DAPK1: variants seen among roughly 807,000 people sequenced by gnomAD.
DAPK1 encodes the protein death associated protein kinase 1, also known as death-associated protein kinase 1.
In DAPK1, 56 loss-of-function variants were observed where a neutral mutation model predicts 144.9. The ratio of observed to expected loss-of-function variants is 0.39; its 90% CI spans 0.31 to 0.48. The LOEUF is 0.48. DAPK1 is among the 20% of genes least tolerant of loss of function. The pLI is 0.95. For synonymous variants in DAPK1, 690 were observed against 749.0 expected (o/e 0.92, Z 1.29); for missense variants, 1,454 against 1,875.4 (o/e 0.78, Z 4.15).
intron 21 of DAPK1, among the ~76,000 whole-genome samples, chr9:87,692,096 A>ATTG (rs60881803): frequency 0.066 from 10,101 of 152,118 alleles, 854 homozygotes; most frequent in African/African-American, 0.19. Flanking sequence ...TTCCCCAAAT[A>ATTG]TTGTTGTATT....
At chr9:87,653,229 A>AT (rs1830518373) in intron 17 of DAPK1, among the ~76,000 whole-genome samples, 3 of 149,862 alleles carry the variant, frequency 2.0e-5, no homozygotes, top group Admixed American at 2.0e-4. Context: ...CTGTCACCTG[A>AT]ACCCGGGTCC....
chr9:87,696,909 A>G, intron 21 of DAPK1, 98 bp from the exon 22 acceptor site: 1 of 766,448 alleles, frequency 1.3e-6, no homozygotes, highest in South Asian at 1.4e-5. Context: ...CATAAGTATC[A>G]CTATGCCTAC....
intron 2 of DAPK1, among the ~76,000 whole-genome samples, chr9:87,508,473 G>A (rs1824700143): frequency 6.6e-6 from 1 of 151,876 alleles, no homozygotes; most frequent in South Asian, 2.1e-4. Context: ...CTCCCGAGTA[G>A]CTGGGACTAC....
Position 87,571,498 on chromosome 9 carries a change from A to AACACACAC in DAPK1, c.63-33433_63-33426dup, listed in dbSNP as rs768913480. Among the ~76,000 whole-genome samples, 59 of 46,490 alleles carry AACACACAC rather than the reference A, an allele frequency of 1.3e-3. 9 individuals carry two copies. The highest frequency in any genetic ancestry group is 2.5e-3 in the South Asian group (2 of 794). 30.5% of individuals were successfully genotyped at this position (46,490 alleles called of 152,430 possible). On this transcript the variant is annotated intron_variant, in intron 2 of 25. Transcript: ENST00000408954. Reference sequence around the variant, plus strand: ...ACCAACACACACACACACACACCCCAACACACACACACACACACACACACA... The same window carrying AACACACAC: ...ACCAACACACACACACACACACCCCAACACACACACACACACACACACACACACACACA...
rs576507276 is a variant in DAPK1 at position 87,639,428 on chromosome 9, T to C, written c.498T>C (p.His166=). The change falls in exon 5 of 26, where the codon CAT becomes CAC. Residue 166 remains histidine (H), a synonymous_variant. Transcript: ENST00000408954. ...RIKIIDFGLA[H]KIDFGNEFKN... The stretch of plus-strand genomic sequence containing the variant: ...AGATCATTGACTTTGGGTTGGCCCA[T>C]AAAATTGACTTTGGAAATGAATTTA... 7.4e-6 allele frequency: 12 copies of C among 1,613,730 alleles called. No homozygotes were observed. The Admixed American group carries it at 1.0e-4, about 13-fold the overall frequency.
chr9:87,656,827 TA>T (rs1830645620), intron 17 of DAPK1, among the ~76,000 whole-genome samples: 1 of 152,202 alleles, frequency 6.6e-6, no homozygotes, highest in Admixed American at 6.5e-5. Flanking sequence ...CTCGGCTGTT[TA>T]AATTATTTCT....
At chr9:87,586,152 A>G (rs574056397) in intron 2 of DAPK1, among the ~76,000 whole-genome samples, 2 of 152,182 alleles carry the variant, frequency 1.3e-5, no homozygotes, top group Admixed American at 6.5e-5. Context: ...GCCAGATATG[A>G]TGGCGTGTAC....
intron 2 of DAPK1, among the ~76,000 whole-genome samples, chr9:87,595,128 C>T (rs1828268631): frequency 6.6e-6 from 1 of 152,212 alleles, no homozygotes; most frequent in South Asian, 2.1e-4. Flanking sequence ...CAAAGCACAC[C>T]TTCCCAAGAA....
intron 2 of DAPK1, among the ~76,000 whole-genome samples, chr9:87,568,087 G>T (rs993801692): frequency 1.3e-5 from 2 of 152,216 alleles, no homozygotes; most frequent in Non-Finnish European, 2.9e-5. Context: ...AGTTACTGAT[G>T]AAAGAAGAGT....
intron 3 of DAPK1, among the ~76,000 whole-genome samples, chr9:87,621,684 A>G (rs1029420380): frequency 2.6e-5 from 4 of 152,122 alleles, no homozygotes; most frequent in African/African-American, 7.2e-5. Flanking sequence ...TTTGAAATCA[A>G]TTGCATTCCT....
intron 2 of DAPK1, among the ~76,000 whole-genome samples, chr9:87,560,418 A>G (rs1308975253): frequency 1.3e-5 from 2 of 152,162 alleles, no homozygotes; most frequent in East Asian, 1.9e-4. Flanking sequence ...GCTATATCAC[A>G]TTGTTGCGTG....
intron 3 of DAPK1, among the ~76,000 whole-genome samples, chr9:87,624,021 G>T (rs1366099356): frequency 6.6e-6 from 1 of 152,156 alleles, no homozygotes; most frequent in African/African-American, 2.4e-5. Flanking sequence ...AAGGAGGCAG[G>T]GTTCTGAGAT....
intron 2 of DAPK1, among the ~76,000 whole-genome samples, chr9:87,599,442 A>T (rs1413876782): frequency 2.0e-5 from 3 of 152,220 alleles, no homozygotes; most frequent in Non-Finnish European, 4.4e-5. Flanking sequence ...ATTAGATGTC[A>T]GCCTGTTCTT....
Position 87,639,340 on chromosome 9 carries a change from C to T in DAPK1, c.424-14C>T, listed in dbSNP as rs199760516. On this transcript the variant is annotated splice_polypyrimidine_tract_variant and intron_variant, in intron 4 of 25. Coordinates refer to ENST00000408954, the MANE Select transcript of DAPK1 (RefSeq NM_004938.4). ...ATATCATAGCTTTTTATTTATCTCT[C>T]TCTTTTTTTCAAGCCTGAGAACATA... 1,299 of 1,582,992 alleles carry T rather than the reference C, an allele frequency of 8.2e-4. 5 individuals carry two copies. The highest frequency in any genetic ancestry group is 1.1e-3 in the Non-Finnish European group (1,237 of 1,169,758).
In DAPK1 at chr9:87,498,980, T is replaced by C; in HGVS notation, c.-98T>C. 1 of 899,926 alleles carries C rather than the reference T, an allele frequency of 1.1e-6. No individual in the cohort carries two copies. Among genetic ancestry groups the C allele is most frequent in the Non-Finnish European group, 1.9e-6 (1 of 539,452 alleles). The allele number at this position is 899,926 out of a possible 1,614,324, so 55.7% of individuals were successfully genotyped here. A position where few individuals can be genotyped will look rare whatever the true frequency, so the allele number is the denominator to read the frequency against. On this transcript the variant is annotated 5_prime_UTR_variant, in exon 2 of 26. Transcript: ENST00000408954. ...TTTTTTCTTCAAAAGGACTGGAGAC[T>C]GATGCATGAGGGGGCTACGGAGGCG...
chr9:87,703,124 G>C lies in DAPK1; in HGVS notation c.2967G>C (p.Gln989His), dbSNP rs370380903. The change falls in exon 25 of 26, where the codon CAG becomes CAC. Residue 989 changes from glutamine (Q) to histidine (H), a missense_variant. This residue lies in a region of DAPK1 where 1,025 missense variants were observed against 1,237.9 expected (regional missense o/e 0.83). Transcript: ENST00000408954. The stretch of plus-strand genomic sequence containing the variant: ...GACCCAACCAGCTGATGTCGCTGCA[G>C]CAGTTTGTGTACGACGTGCAGGACC... ...LNGPNQLMSL[Q>H]QFVYDVQDQL... is the part of the protein sequence containing the mutation. 1 of 1,606,830 alleles carries C rather than the reference G, an allele frequency of 6.2e-7. No homozygotes were observed. The highest frequency in any genetic ancestry group is 8.5e-7 in the Non-Finnish European group (1 of 1,173,294).
At chr9:87,705,718 A>G (rs1825612655) in intron 25 of DAPK1, among the ~76,000 whole-genome samples, 1 of 152,342 alleles carries the variant, frequency 6.6e-6, no homozygotes, top group Non-Finnish European at 1.5e-5. Context: ...TAACATTAAT[A>G]TAGTACTATG....
chr9:87,675,890 CA>C lies in DAPK1; in HGVS notation c.2002-5513del, dbSNP rs1226045701. On this transcript the variant is annotated intron_variant, in intron 19 of 25. Coordinates refer to ENST00000408954, the MANE Select transcript of DAPK1 (RefSeq NM_004938.4). ...ACACACACACACACACACACACACA[CA>C]CACACCCTTATGACCACCTGGAAGG... Among the ~76,000 whole-genome samples, 360 of 151,382 alleles carry C rather than the reference CA, an allele frequency of 2.4e-3. 2 individuals are homozygous for C. Among genetic ancestry groups the C allele is most frequent in the Middle Eastern group, 6.8e-3 (2 of 294 alleles).
At chr9:87,647,484 A>C in intron 14 of DAPK1, 81 bp downstream of exon 14, 1 of 1,166,164 alleles carries the variant, frequency 8.6e-7, no homozygotes, top group Non-Finnish European at 1.3e-6. Flanking sequence ...TACCGTGTGC[A>C]TCGGGACCCA....
Sources: gnomAD v4.1 joint callset for allele counts (sites outside exome capture counted in the v4.1 genomes callset) on GRCh38, gnomAD v4.1.1 for gene constraint, gnomAD v4.1.1 regional missense constraint, MANE v1.5 for transcripts, NCBI Gene and HGNC (gene_info 2026-07-23, HGNC 2026-07-21) for gene names.